The following CNKSR2 variants were observed in gnomAD, a reference collection of about 807,000 sequenced individuals.
CNKSR2 encodes the protein CNK homolog protein 2.
CNKSR2 carries 14 observed loss-of-function variants against 84.4 expected under a neutral mutation model. That is an observed-to-expected ratio of 0.17 (90% CI 0.11 to 0.26). The LOEUF is 0.26. Ranked by LOEUF, CNKSR2 falls within the 10% of genes least tolerant of loss-of-function variation. CNKSR2 has a pLI of 1.00. For synonymous variants in CNKSR2, 275 were observed against 277.9 expected, an observed-to-expected ratio of 0.99 and a Z score of 0.10; for missense variants, 485 against 771.2, an observed-to-expected ratio of 0.63 and a Z score of 4.40.
intron 8 of CNKSR2, among the ~76,000 whole-genome samples, chrX:21,513,912 T>C (rs2091700659): frequency 1.8e-5 from 2 of 111,784 alleles, no homozygotes; most frequent in Non-Finnish European, 3.8e-5. Flanking sequence ...TACACTAGGT[T>C]CATGTATTTT....
intron 20 of CNKSR2, among the ~76,000 whole-genome samples, chrX:21,638,309 T>C (rs1167583474): frequency 8.9e-6 from 1 of 112,106 alleles, no homozygotes. Context: ...CTAAAACTTA[T>C]GTTTCCAGAA....
intron 1 of CNKSR2, among the ~76,000 whole-genome samples, chrX:21,417,002 G>A (rs969457564): frequency 2.7e-5 from 3 of 110,413 alleles, no homozygotes; most frequent in Non-Finnish European, 5.7e-5. Context: ...AAGATGCATT[G>A]TTAGGTTGTT....
intron 1 of CNKSR2, among the ~76,000 whole-genome samples, chrX:21,376,938 A>G (rs1028212355): frequency 8.9e-6 from 1 of 112,338 alleles, no homozygotes; most frequent in African/African-American, 3.2e-5. Context: ...TCTGACACAC[A>G]TTATTAGTTG....
intron 15 of CNKSR2, chrX:21,592,467 G>A (rs755033277): frequency 1.8e-5 from 2 of 111,172 alleles, no homozygotes; most frequent in Admixed American, 9.6e-5. Context: ...TGTAGTCCCA[G>A]CTACTTGGGA....
intron 20 of CNKSR2, among the ~76,000 whole-genome samples, chrX:21,612,365 G>T (rs1268873699): frequency 8.9e-6 from 1 of 112,260 alleles, no homozygotes; most frequent in African/African-American, 3.2e-5. Context: ...ACACAGTTCA[G>T]CAGGCAACCT....
chrX:21,408,123 A>G (rs1258278264), intron 1 of CNKSR2, among the ~76,000 whole-genome samples: 1 of 111,986 alleles, frequency 8.9e-6, no homozygotes, highest in Non-Finnish European at 1.9e-5. Context: ...CATCTTTCCC[A>G]TATACATTAA....
At position 21,561,550 on chromosome X, in the gene CNKSR2, T is replaced by G; in HGVS notation, c.1383T>G (p.Asp461Glu). The part of the protein sequence containing the change: ...DYEDPNKMKR[D>E]SRRENSLLRY... ...AAGATCCAAATAAGATGAAGAGAGATAGTAGAAGAGGTAAGTGTTCTAGAA... is the reference window on the plus strand; with the variant it reads ...AAGATCCAAATAAGATGAAGAGAGAGAGTAGAAGAGGTAAGTGTTCTAGAA... Residue 461 changes from aspartate to glutamate, a missense_variant, in exon 12 of 22, where the codon GAT (aspartate) becomes GAG (glutamate). Physicochemically the swap from Asp to Glu is conservative, Grantham distance 45 (BLOSUM62 2). Around this residue, in one of 5 missense-constraint regions of CNKSR2, gnomAD observed 132 missense variants for 166.7 expected, o/e 0.79. Transcript: ENST00000379510. 8.4e-7 allele frequency: 1 copy of G among 1,187,947 alleles called. No homozygotes were observed. The highest frequency in any genetic ancestry group is 1.1e-6 in the Non-Finnish European group (1 of 875,520).
intron 20 of CNKSR2, chrX:21,641,749 C>G (rs2092692349): frequency 1.9e-6 from 2 of 1,038,962 alleles, no homozygotes; most frequent in African/African-American, 3.9e-5. Context: ...TTGTAAAAAG[C>G]TTAGATCATC....
intron 1 of CNKSR2, among the ~76,000 whole-genome samples, chrX:21,415,384 T>C (rs2090402451): frequency 9.1e-6 from 1 of 110,392 alleles, no homozygotes; most frequent in African/African-American, 3.3e-5. Context: ...TGCTACTGAT[T>C]TTTGTGTGTT....
At chrX:21,378,462 A>G (rs762136234) in intron 1 of CNKSR2, among the ~76,000 whole-genome samples, 4 of 111,549 alleles carry the variant, frequency 3.6e-5, no homozygotes, top group South Asian at 7.5e-4. Flanking sequence ...AAAATAAGTT[A>G]TTTCTCAGCT....
chrX:21,645,990 A>G (rs750350833), intron 20 of CNKSR2: 1 of 111,437 alleles, frequency 9.0e-6, no homozygotes, highest in Admixed American at 9.5e-5. Flanking sequence ...CCCCTCACCA[A>G]CCGCCCTTTT....
chrX:21,488,101 G>C (rs1452569399), intron 5 of CNKSR2, among the ~76,000 whole-genome samples: 2 of 111,944 alleles, frequency 1.8e-5, no homozygotes, highest in African/African-American at 6.5e-5. Context: ...GCGTCAGAGA[G>C]AGTAAAGAGA....
At position 21,397,439 on chromosome X, in the gene CNKSR2, C is replaced by T. The variant is rs185430649; in HGVS notation, c.64+22478C>T. On this transcript the variant is annotated intron_variant, in intron 1 of 21. Transcript: ENST00000379510. ...ATTAATATATTAGAATAAATTGGTC[C>T]CTTGTGTTTTATAATACAAGTAGCT... 1.1e-3 allele frequency among the ~76,000 whole-genome samples: 121 copies of T among 110,863 alleles called. 1 individual carries two copies. The highest frequency in any genetic ancestry group is 3.7e-3 in the African/African-American group (114 of 30,565).
intron 8 of CNKSR2, among the ~76,000 whole-genome samples, chrX:21,502,247 A>G (rs2091566838): frequency 4.0e-5 from 4 of 99,691 alleles, no homozygotes; most frequent in Admixed American, 1.0e-4. Context: ...TTCTGTGCCT[A>G]TTGTAGATTT....
At chrX:21,627,053 G>A (rs2092626689) in intron 20 of CNKSR2, among the ~76,000 whole-genome samples, 1 of 111,903 alleles carries the variant, frequency 8.9e-6, no homozygotes, top group Admixed American at 9.4e-5. Context: ...TGTTGATTTT[G>A]GATTAGACAG....
At chrX:21,413,412 G>T (rs1769406248) in intron 1 of CNKSR2, among the ~76,000 whole-genome samples, 1 of 110,380 alleles carries the variant, frequency 9.1e-6, no homozygotes, top group African/African-American at 3.3e-5. Context: ...GGAGAATGGG[G>T]TATCCATCCT....
intron 4 of CNKSR2, among the ~76,000 whole-genome samples, chrX:21,446,054 C>G (rs775962884): frequency 3.6e-5 from 4 of 111,459 alleles, no homozygotes; most frequent in African/African-American, 1.3e-4. Flanking sequence ...TACATTCATA[C>G]CAACAGTATT....
chrX:21,573,694 T>G (rs1250407706), intron 13 of CNKSR2, among the ~76,000 whole-genome samples: 1 of 111,364 alleles, frequency 9.0e-6, no homozygotes, highest in Non-Finnish European at 1.9e-5. Context: ...ACCAAGTCCC[T>G]AGGCTGCACA....
At chrX:21,564,008 G>T (rs2092216432) in intron 13 of CNKSR2, among the ~76,000 whole-genome samples, 1 of 110,965 alleles carries the variant, frequency 9.0e-6, no homozygotes, top group Non-Finnish European at 1.9e-5. Flanking sequence ...GTGAGAAAAG[G>T]CTTCAGAGTG....
Sources: allele counts gnomAD v4.1 joint callset (sites outside exome capture counted in the v4.1 genomes callset), GRCh38; gene constraint gnomAD v4.1.1; regional missense constraint gnomAD v4.1.1; transcripts MANE v1.5; gene names NCBI Gene and HGNC (gene_info 2026-07-23, HGNC 2026-07-21).